The following CTNNA3 variants were observed in gnomAD, a reference collection of about 807,000 sequenced individuals.
CTNNA3 encodes catenin alpha 3, also known as catenin alpha-3.
Under a neutral mutation model 95.7 loss-of-function variants are expected in CTNNA3, and 76 were observed. The ratio of observed to expected loss-of-function variants is 0.79; its 90% CI spans 0.66 to 0.96. The LOEUF (loss-of-function observed/expected upper bound fraction) is 0.96. CTNNA3 is among the 40% of genes least tolerant of loss of function. The pLI is 0.00. For synonymous variants in CTNNA3, 431 were observed against 374.4 expected (o/e 1.15, Z -1.74); for missense variants, 1,191 against 1,089.8 (o/e 1.09, Z -1.31).
chr10:66,114,904 A>T (rs2082265461), intron 13 of CTNNA3, among the ~76,000 whole-genome samples: 1 of 151,952 alleles, frequency 6.6e-6, no homozygotes, highest in Non-Finnish European at 1.5e-5. Flanking sequence ...AAGAAAAAGT[A>T]AAAGAAAATA....
At chr10:66,441,547 A>C (rs535009284) in intron 11 of CTNNA3, among the ~76,000 whole-genome samples, 1 of 152,248 alleles carries the variant, frequency 6.6e-6, no homozygotes, top group Non-Finnish European at 1.5e-5. Context: ...AGACTAAATA[A>C]TTAAGAACTC....
intron 7 of CTNNA3, among the ~76,000 whole-genome samples, chr10:66,965,605 C>G (rs1849372561): frequency 6.6e-6 from 1 of 150,498 alleles, no homozygotes; most frequent in African/African-American, 2.4e-5. Flanking sequence ...TAAATATTTC[C>G]CAGGAGGGCA....
chr10:66,985,598 G>T (rs1850682237), intron 7 of CTNNA3, among the ~76,000 whole-genome samples: 1 of 152,110 alleles, frequency 6.6e-6, no homozygotes, highest in Non-Finnish European at 1.5e-5. Context: ...CATAAAGTTT[G>T]GTCTTCTGGA....
chr10:66,629,665 C>G (rs1845063662), intron 9 of CTNNA3, among the ~76,000 whole-genome samples: 1 of 152,096 alleles, frequency 6.6e-6, no homozygotes, highest in Admixed American at 6.6e-5. Context: ...ATACCCCCAT[C>G]CCTACTACGT....
chr10:66,580,836 A>C (rs1416723780), intron 10 of CTNNA3, among the ~76,000 whole-genome samples: 1 of 151,698 alleles, frequency 6.6e-6, no homozygotes, highest in Non-Finnish European at 1.5e-5. Flanking sequence ...GAAGTCTAGG[A>C]TATTAGTGCA....
intron 4 of CTNNA3, among the ~76,000 whole-genome samples, chr10:67,525,925 C>T (rs1471238761): frequency 6.6e-6 from 1 of 152,154 alleles, no homozygotes; most frequent in Non-Finnish European, 1.5e-5. Context: ...AAATCCCATA[C>T]CCGCAGCGTT....
chr10:67,069,232 A>T (rs1249368265), intron 7 of CTNNA3, among the ~76,000 whole-genome samples: 2 of 152,062 alleles, frequency 1.3e-5, no homozygotes, highest in Non-Finnish European at 2.9e-5. Flanking sequence ...TGATCAAAGT[A>T]TACCCTTTTT....
At position 65,920,608 on chromosome 10, in the gene CTNNA3, C is replaced by T. The variant is rs370688983; in HGVS notation, c.2410G>A (p.Val804Ile). The change falls in exon 18 of 18, where the codon GTC (valine) becomes ATC (isoleucine). Residue 804 changes from valine to isoleucine, a missense_variant. Physicochemically the swap from Val to Ile is conservative, Grantham distance 29. Coordinates refer to ENST00000433211, the MANE Select transcript of CTNNA3 (RefSeq NM_013266.4). ...TTGGCTGCTTGGATCAGGGATGTGA[C>T]ACTGTCCAACTGTAGGGAAAAAAGA... ...GELIMSALDS[V>I]TSLIQAAKNL... The T allele has an allele frequency of 1.9e-6, 3 of 1,612,948 alleles. No homozygotes were observed. The highest frequency in any genetic ancestry group is 1.7e-6 in the Non-Finnish European group (2 of 1,179,032).
intron 13 of CTNNA3, among the ~76,000 whole-genome samples, chr10:66,274,079 C>A (rs1479019674): frequency 6.6e-6 from 1 of 152,060 alleles, no homozygotes; most frequent in Non-Finnish European, 1.5e-5. Flanking sequence ...AAAACAAAAT[C>A]TCTAAGGCAA....
At chr10:66,869,498 G>A (rs1040625851) in intron 7 of CTNNA3, among the ~76,000 whole-genome samples, 1 of 151,972 alleles carries the variant, frequency 6.6e-6, no homozygotes, top group Non-Finnish European at 1.5e-5. Flanking sequence ...ACTTGAACCC[G>A]GGAGGCGGAG....
intron 13 of CTNNA3, among the ~76,000 whole-genome samples, chr10:66,134,320 C>G (rs951728937): frequency 2.0e-5 from 3 of 152,064 alleles, no homozygotes; most frequent in African/African-American, 7.2e-5. Flanking sequence ...CTTTCATGCA[C>G]TGGTGGTTAG....
At chr10:67,325,638 G>A (rs1012541915) in intron 5 of CTNNA3, among the ~76,000 whole-genome samples, 2 of 152,086 alleles carry the variant, frequency 1.3e-5, no homozygotes, top group African/African-American at 4.8e-5. Context: ...GTAGAGAATT[G>A]TTTTACTTCT....
At chr10:67,493,525 G>A (rs541003427) in intron 5 of CTNNA3, among the ~76,000 whole-genome samples, 1 of 149,052 alleles carries the variant, frequency 6.7e-6, no homozygotes, top group South Asian at 2.1e-4. Context: ...TCGCACCACT[G>A]CACTCCAGGC....
At chr10:67,011,493 T>C (rs1156626650) in intron 7 of CTNNA3, among the ~76,000 whole-genome samples, 1 of 152,198 alleles carries the variant, frequency 6.6e-6, no homozygotes, top group South Asian at 2.1e-4. Context: ...CAGTGCTGCA[T>C]TGTCTTTCTG....
At chr10:66,333,122 T>C (rs1314984210) in intron 12 of CTNNA3, among the ~76,000 whole-genome samples, 1 of 152,042 alleles carries the variant, frequency 6.6e-6, no homozygotes, top group Non-Finnish European at 1.5e-5. Flanking sequence ...CTCTCTTTTC[T>C]TCTTTATTAG....
intron 14 of CTNNA3, among the ~76,000 whole-genome samples, chr10:66,099,183 A>G (rs1477960392): frequency 6.6e-6 from 1 of 152,198 alleles, no homozygotes; most frequent in African/African-American, 2.4e-5. Context: ...AACAAAAAAG[A>G]AATCCATTTA....
At chr10:66,336,426 C>A (rs911952778) in intron 12 of CTNNA3, among the ~76,000 whole-genome samples, 2 of 152,024 alleles carry the variant, frequency 1.3e-5, no homozygotes, top group African/African-American at 4.8e-5. Flanking sequence ...AATTTTGCCA[C>A]CGTTTGTCTA....
chr10:66,578,784 C>T (rs201348525), intron 10 of CTNNA3, among the ~76,000 whole-genome samples: 4 of 143,240 alleles, frequency 2.8e-5, no homozygotes, highest in Non-Finnish European at 4.6e-5. Flanking sequence ...ATTTTTCTTT[C>T]TTTTTTTTTT....
chr10:66,230,072 G>C (rs570371881), intron 13 of CTNNA3, among the ~76,000 whole-genome samples: 2 of 151,736 alleles, frequency 1.3e-5, no homozygotes, highest in African/African-American at 4.8e-5. Flanking sequence ...AAGATTTCAG[G>C]TTGGATCTTT....
Sources: allele counts gnomAD v4.1 joint callset (sites outside exome capture counted in the v4.1 genomes callset), GRCh38; gene constraint gnomAD v4.1.1; transcripts MANE v1.5; gene names NCBI Gene and HGNC (gene_info 2026-07-23, HGNC 2026-07-21).